RHOU: variants seen among roughly 807,000 people sequenced by gnomAD.
RHOU encodes ras homolog family member U, also known as rho-related GTP-binding protein RhoU.
A neutral mutation model predicts 12.6 loss-of-function variants in RHOU; 8 were observed. The observed-to-expected ratio is 0.64, with a 90% CI of 0.37 to 1.15. The LOEUF is 1.15. RHOU is among the 50% of genes most tolerant of loss of function. RHOU has a pLI of 0.01. For synonymous variants in RHOU, 161 were observed against 147.4 expected (o/e 1.09, Z -0.67); for missense variants, 258 against 347.0 (o/e 0.74, Z 2.04).
chr1:228,703,177 C>T, the RHOU span, among the ~76,000 whole-genome samples: 3 of 152,156 alleles, frequency 2.0e-5, no homozygotes, highest in Non-Finnish European at 4.4e-5. Flanking sequence ...CCAGTCCTCC[C>T]TCTCAGACAC....
At chr1:228,722,986 T>C in the RHOU span, among the ~76,000 whole-genome samples, 1 of 152,196 alleles carries the variant, frequency 6.6e-6, no homozygotes, top group Non-Finnish European at 1.5e-5. Flanking sequence ...TGCGTCTACC[T>C]TAAAGGCATA....
the RHOU span, among the ~76,000 whole-genome samples, chr1:228,658,309 G>T: frequency 6.7e-6 from 1 of 149,118 alleles, no homozygotes; most frequent in South Asian, 2.1e-4. Flanking sequence ...AAAAAAAAGG[G>T]TAAAAAGGTG....
At position 228,735,685 on chromosome 1, in the gene RHOU, A is replaced by C; in HGVS notation, c.-58A>C. 8.5e-7 allele frequency: 1 copy of C among 1,172,434 alleles called. No homozygotes were observed. The highest frequency in any genetic ancestry group is 1.1e-6 in the Non-Finnish European group (1 of 948,424). 72.6% of individuals were successfully genotyped at this position (1,172,434 alleles called of 1,614,324 possible). On this transcript the variant is annotated 5_prime_UTR_variant, in exon 1 of 3. Transcript: ENST00000366691. The surrounding 1 kb of genome is among the most constrained non-coding windows in gnomAD (Gnocchi z 8.1). ...TCCCTACCGCAACCCTCCGGGGCGG[A>C]GGGGCGGTCGGGCCGGGCCCTGCTA...
chr1:228,673,869 A>G, the RHOU span, among the ~76,000 whole-genome samples: 1 of 152,180 alleles, frequency 6.6e-6, no homozygotes, highest in East Asian at 1.9e-4. Context: ...TGTCTTTTGG[A>G]GCACATGTGA....
the RHOU span, among the ~76,000 whole-genome samples, chr1:228,646,926 G>T: frequency 6.6e-6 from 1 of 152,088 alleles, no homozygotes; most frequent in East Asian, 1.9e-4. Context: ...CGGAGAGGTG[G>T]AGAGGTAAAG....
the RHOU span, among the ~76,000 whole-genome samples, chr1:228,658,622 A>G: frequency 1.3e-5 from 2 of 152,214 alleles, no homozygotes; most frequent in African/African-American, 4.8e-5. Flanking sequence ...CAGCAACATG[A>G]ACAAATTAAG....
the RHOU span, among the ~76,000 whole-genome samples, chr1:228,717,189 T>C: frequency 2.0e-5 from 3 of 152,188 alleles, no homozygotes; most frequent in African/African-American, 7.2e-5. Flanking sequence ...GAACAAAGAA[T>C]TTGAGATCTT....
the RHOU span, among the ~76,000 whole-genome samples, chr1:228,721,965 C>T: frequency 1.3e-5 from 2 of 152,092 alleles, no homozygotes; most frequent in African/African-American, 2.4e-5. Flanking sequence ...TGTTTTCCAC[C>T]GTAGTTGCGA....
At chr1:228,740,623 C>G (rs1268503335) in intron 2 of RHOU, among the ~76,000 whole-genome samples, 3 of 152,164 alleles carry the variant, frequency 2.0e-5, no homozygotes, top group African/African-American at 7.2e-5. Context: ...TGATACCTGC[C>G]AAGTTTCCTT....
the RHOU span, chr1:228,650,507 A>C: frequency 1.7e-4 from 79 of 456,528 alleles, 1 homozygote; most frequent in South Asian, 1.2e-3. Context: ...GTGCTGAACT[A>C]GGGGAGCTGC....
chr1:228,692,182 G>A, the RHOU span, among the ~76,000 whole-genome samples: 1 of 152,190 alleles, frequency 6.6e-6, no homozygotes, highest in South Asian at 2.1e-4. Context: ...TGTCAGGTGA[G>A]CACTGAAAAC....
the RHOU span, among the ~76,000 whole-genome samples, chr1:228,713,736 A>G: frequency 6.6e-6 from 1 of 152,212 alleles, no homozygotes; most frequent in African/African-American, 2.4e-5. Flanking sequence ...CCTGTTTTAT[A>G]GTCAGTCAGT....
the RHOU span, among the ~76,000 whole-genome samples, chr1:228,674,182 A>G: frequency 2.0e-5 from 3 of 152,110 alleles, no homozygotes; most frequent in Non-Finnish European, 4.4e-5. Context: ...GTGAAGTTAT[A>G]TATCTTGGCC....
the RHOU span, among the ~76,000 whole-genome samples, chr1:228,648,862 TTCTTTC>T: frequency 8.9e-5 from 6 of 67,666 alleles, no homozygotes; most frequent in African/African-American, 1.8e-4. Flanking sequence ...CTCTCTCTCT[TTCTTTC>T]TTTCTTTCTT....
At chr1:228,664,707 C>T in the RHOU span, among the ~76,000 whole-genome samples, 2 of 152,134 alleles carry the variant, frequency 1.3e-5, no homozygotes, top group Non-Finnish European at 2.9e-5. Context: ...AATCTCAGCT[C>T]ATTGCAACCT....
Position 228,743,292 on chromosome 1 carries a change from T to A in RHOU, c.329T>A (p.Phe110Tyr), listed in dbSNP as rs1227033365. The change falls in exon 3 of 3, where the codon TTT (phenylalanine) becomes TAT (tyrosine). Residue 110 changes from phenylalanine to tyrosine, a missense_variant. Transcript: ENST00000366691. The surrounding 1 kb of genome is among the most constrained non-coding windows in gnomAD (Gnocchi z 5.1). Reference protein sequence around the residue: ...QLCDTAGQDEFDKLRPLCYTN... With the variant: ...QLCDTAGQDEYDKLRPLCYTN... ...TACTTTGCTTGGTTGCAGGATGAAT[T>A]TGACAAGCTGAGGCCTCTCTGCTAC... 6.2e-7 allele frequency: 1 copy of A among 1,611,268 alleles called. No individual in the cohort carries two copies. The highest frequency in any genetic ancestry group is 1.1e-5 in the South Asian group (1 of 91,020).
At chr1:228,729,930 G>T in the RHOU span, among the ~76,000 whole-genome samples, 5 of 152,218 alleles carry the variant, frequency 3.3e-5, no homozygotes, top group Non-Finnish European at 5.9e-5. Context: ...CAACCATGTG[G>T]TCTGAGCCCT....
chr1:228,653,250 G>A, the RHOU span, among the ~76,000 whole-genome samples: 1 of 152,138 alleles, frequency 6.6e-6, no homozygotes, highest in Non-Finnish European at 1.5e-5. Flanking sequence ...CTGGGAGGGG[G>A]AATCCAGTGA....
At chr1:228,721,273 G>C in the RHOU span, among the ~76,000 whole-genome samples, 1 of 152,202 alleles carries the variant, frequency 6.6e-6, no homozygotes, top group South Asian at 2.1e-4. Flanking sequence ...CCGCACTCCA[G>C]CCTGGGCAAC....
Sources: gnomAD v4.1 joint callset for allele counts (sites outside exome capture counted in the v4.1 genomes callset) on GRCh38, gnomAD v4.1.1 for gene constraint, Gnocchi (gnomAD v3.1) non-coding constraint, MANE v1.5 for transcripts, NCBI Gene and HGNC (gene_info 2026-07-23, HGNC 2026-07-21) for gene names.